DRC8: variants seen among roughly 807,000 people sequenced by gnomAD.
DRC8 encodes the protein dynein regulatory complex subunit 8, also known as dynein regulatory complex protein 8.
chr1:245,036,782 A>G, the DRC8 span, among the ~76,000 whole-genome samples: 1 of 152,228 alleles, frequency 6.6e-6, no homozygotes, highest in Non-Finnish European at 1.5e-5. Context: ...TGTCTAGAGC[A>G]GGCAAATCTG....
At chr1:245,083,171 T>C in the DRC8 span, among the ~76,000 whole-genome samples, 1 of 152,148 alleles carries the variant, frequency 6.6e-6, no homozygotes, top group Non-Finnish European at 1.5e-5. Flanking sequence ...CTGAGAAGCA[T>C]TGGCATTAGA....
At chr1:245,027,501 A>G in the DRC8 span, among the ~76,000 whole-genome samples, 1 of 152,212 alleles carries the variant, frequency 6.6e-6, no homozygotes, top group African/African-American at 2.4e-5. Flanking sequence ...TTTGTTAGCC[A>G]TAAGAGACGA....
chr1:245,056,935 C>CAAAA, the DRC8 span, among the ~76,000 whole-genome samples: 7 of 111,438 alleles, frequency 6.3e-5, 2 homozygotes, highest in Non-Finnish European at 1.2e-4. Context: ...GACTCCATCT[C>CAAAA]AAAAAAAAAA....
the DRC8 span, among the ~76,000 whole-genome samples, chr1:245,001,930 T>A: frequency 1.3e-5 from 2 of 152,264 alleles, no homozygotes; most frequent in South Asian, 4.1e-4. Context: ...TGTTCCTTAC[T>A]GACTTACTCT....
chr1:245,060,525 C>T, the DRC8 span, among the ~76,000 whole-genome samples: 1 of 151,978 alleles, frequency 6.6e-6, no homozygotes, highest in Non-Finnish European at 1.5e-5. Flanking sequence ...TTTTGGGATT[C>T]AATAAAGCTA....
the DRC8 span, among the ~76,000 whole-genome samples, chr1:245,065,053 G>A: frequency 6.9e-6 from 1 of 145,478 alleles, no homozygotes; most frequent in Non-Finnish European, 1.5e-5. Flanking sequence ...TTCTGGACTG[G>A]ACTAGTCTTT....
chr1:244,969,829 C>G, the DRC8 span: 2 of 388,990 alleles, frequency 5.1e-6, no homozygotes, highest in Non-Finnish European at 9.1e-6. Context: ...ACCGGGAGGG[C>G]AGGCGCGGCC....
the DRC8 span, among the ~76,000 whole-genome samples, chr1:245,068,608 ATTT>A: frequency 7.1e-6 from 1 of 141,008 alleles, no homozygotes. Context: ...CTCCCAGCTA[ATTT>A]TTTTTTTTTT....
At chr1:245,062,053 C>T in the DRC8 span, among the ~76,000 whole-genome samples, 1 of 152,148 alleles carries the variant, frequency 6.6e-6, no homozygotes, top group African/African-American at 2.4e-5. Context: ...TTGCAATGAG[C>T]TGAGGTCATA....
the DRC8 span, among the ~76,000 whole-genome samples, chr1:244,999,228 A>G: frequency 4.9e-5 from 7 of 142,884 alleles, no homozygotes; most frequent in Admixed American, 4.9e-4. Context: ...AAGCCTCCTG[A>G]AAAAAAAAAA....
the DRC8 span, among the ~76,000 whole-genome samples, chr1:245,014,629 T>A: frequency 6.1e-5 from 9 of 147,028 alleles, no homozygotes; most frequent in South Asian, 1.9e-3. Flanking sequence ...ATACTGTAAG[T>A]ACTAACAGGT....
chr1:245,082,026 A>T, the DRC8 span: 1 of 1,400,738 alleles, frequency 7.1e-7, no homozygotes, highest in Non-Finnish European at 1.0e-6. Flanking sequence ...TGGAACAACT[A>T]GTTGCTGAAT....
At chr1:245,013,891 C>T in the DRC8 span, among the ~76,000 whole-genome samples, 3 of 151,404 alleles carry the variant, frequency 2.0e-5, no homozygotes, top group East Asian at 1.9e-4. Context: ...GTGAGCTTGG[C>T]GGTAGTGGTG....
the DRC8 span, among the ~76,000 whole-genome samples, chr1:244,974,340 C>G: frequency 6.6e-6 from 1 of 152,194 alleles, no homozygotes; most frequent in East Asian, 1.9e-4. Flanking sequence ...CTTTTGGCAG[C>G]CAGTGAGCTT....
chr1:245,086,784 C>A, the DRC8 span: 2 of 533,562 alleles, frequency 3.7e-6, no homozygotes, highest in East Asian at 1.1e-4. Flanking sequence ...AGGTGGGGAG[C>A]TGTGAAGTGA....
At chr1:245,090,646 G>A in the DRC8 span, among the ~76,000 whole-genome samples, 1 of 151,828 alleles carries the variant, frequency 6.6e-6, no homozygotes, top group African/African-American at 2.4e-5. Context: ...ACTCCCACGT[G>A]TCAGAGGTTT....
the DRC8 span, among the ~76,000 whole-genome samples, chr1:245,057,143 C>T: frequency 2.6e-5 from 4 of 152,082 alleles, no homozygotes; most frequent in South Asian, 2.1e-4. Flanking sequence ...TGTGATTGGC[C>T]GAAACTCTGT....
chr1:245,063,254 C>G, the DRC8 span, among the ~76,000 whole-genome samples: 1 of 152,156 alleles, frequency 6.6e-6, no homozygotes, highest in African/African-American at 2.4e-5. Context: ...ACCCTCGCAG[C>G]AAGGGTGCCC....
chr1:244,989,632 C>T, the DRC8 span, among the ~76,000 whole-genome samples: 13 of 152,270 alleles, frequency 8.5e-5, no homozygotes, highest in South Asian at 2.7e-3. Context: ...TGTCTGGTTT[C>T]TCCACTGTGG....
Sources: allele counts gnomAD v4.1 joint callset (sites outside exome capture counted in the v4.1 genomes callset), GRCh38; gene constraint gnomAD v4.1.1; transcripts MANE v1.5; gene names NCBI Gene and HGNC (gene_info 2026-07-23, HGNC 2026-07-21).